Variants in TBC1D5 observed in about 807,000 individuals in gnomAD.
The protein encoded by TBC1D5 is TBC1 domain family member 5, also known as TBC1 domain family, member 5.
TBC1D5 carries 75 observed loss-of-function variants against 100.3 expected under a neutral mutation model. The observed-to-expected ratio is 0.75, with a 90% CI of 0.62 to 0.91. TBC1D5 has a LOEUF of 0.91. Among genes scored for constraint, TBC1D5 ranks in the 40% least tolerant of loss-of-function variants. The pLI is 0.00. For synonymous variants in TBC1D5, 323 were observed against 325.6 expected (o/e 0.99, Z 0.09); for missense variants, 910 against 942.4 (o/e 0.97, Z 0.45).
chr3:17,287,940 T>C (rs1161915163), intron 15 of TBC1D5, among the ~76,000 whole-genome samples: 1 of 152,122 alleles, frequency 6.6e-6, no homozygotes, highest in Non-Finnish European at 1.5e-5. Context: ...AACTAGGAAA[T>C]GGGAAAGAAT....
intron 1 of TBC1D5, among the ~76,000 whole-genome samples, chr3:17,677,758 A>G (rs2068837818): frequency 2.0e-5 from 3 of 152,344 alleles, no homozygotes; most frequent in Admixed American, 6.5e-5. Flanking sequence ...AATGTCCAAC[A>G]ATGACAGACT....
intron 1 of TBC1D5, among the ~76,000 whole-genome samples, chr3:17,643,424 T>A (rs535143596): frequency 6.6e-6 from 1 of 152,238 alleles, no homozygotes; most frequent in South Asian, 2.1e-4. Context: ...ATGAATATAC[T>A]TTTTAGACCT....
At chr3:17,175,995 G>C (rs2067681497) in intron 19 of TBC1D5, among the ~76,000 whole-genome samples, 1 of 152,226 alleles carries the variant, frequency 6.6e-6, no homozygotes. Flanking sequence ...GAGGTAGATG[G>C]GTTTTGTGGC....
intron 18 of TBC1D5, among the ~76,000 whole-genome samples, chr3:17,208,398 TAG>T (rs1251581699): frequency 6.6e-6 from 1 of 152,158 alleles, no homozygotes; most frequent in Non-Finnish European, 1.5e-5. Flanking sequence ...CACAACACAG[TAG>T]AGAGAACTAG....
chr3:17,196,655 G>A (rs758813624), intron 18 of TBC1D5, among the ~76,000 whole-genome samples: 1 of 152,206 alleles, frequency 6.6e-6, no homozygotes, highest in Non-Finnish European at 1.5e-5. Context: ...CGTTGGTGTC[G>A]TGAAATACTT....
chr3:17,364,282 CTTTT>C (rs931238181), intron 13 of TBC1D5, among the ~76,000 whole-genome samples: 4 of 152,022 alleles, frequency 2.6e-5, no homozygotes, highest in African/African-American at 9.7e-5. Flanking sequence ...ATCTTTCCTT[CTTTT>C]GTTTTTCTTT....
chr3:17,400,547 G>A (rs2093619921), intron 8 of TBC1D5, among the ~76,000 whole-genome samples: 1 of 152,072 alleles, frequency 6.6e-6, no homozygotes, highest in Non-Finnish European at 1.5e-5. Flanking sequence ...AATAAGATAT[G>A]GAACCCTCCT....
intron 13 of TBC1D5, among the ~76,000 whole-genome samples, chr3:17,355,697 C>T (rs2091151375): frequency 6.6e-6 from 1 of 151,872 alleles, no homozygotes; most frequent in Admixed American, 6.6e-5. Flanking sequence ...CATTCACATC[C>T]CATGGTAGCG....
intron 2 of TBC1D5, among the ~76,000 whole-genome samples, chr3:17,516,935 T>C (rs1157301888): frequency 6.6e-6 from 1 of 152,200 alleles, no homozygotes; most frequent in African/African-American, 2.4e-5. Context: ...ATTGTCTCTT[T>C]AGGTCTTCGC....
intron 2 of TBC1D5, among the ~76,000 whole-genome samples, chr3:17,610,985 G>A (rs1041535062): frequency 6.6e-6 from 1 of 152,106 alleles, no homozygotes; most frequent in Non-Finnish European, 1.5e-5. Context: ...ACTCCAGCCT[G>A]GGCGACAAGA....
intron 19 of TBC1D5, among the ~76,000 whole-genome samples, chr3:17,176,857 C>G (rs537989519): frequency 6.6e-6 from 1 of 151,254 alleles, no homozygotes; most frequent in South Asian, 2.1e-4. Context: ...AGAAAAGTCT[C>G]TTCCTTACTG....
At chr3:17,368,179 G>T (rs966569713) in intron 13 of TBC1D5, among the ~76,000 whole-genome samples, 2 of 151,952 alleles carry the variant, frequency 1.3e-5, no homozygotes, top group African/African-American at 4.8e-5. Context: ...ATTTCATGTG[G>T]ACTTATTCAC....
chr3:17,583,491 C>T (rs2096713110), intron 2 of TBC1D5, among the ~76,000 whole-genome samples: 2 of 152,096 alleles, frequency 1.3e-5, no homozygotes, highest in Admixed American at 1.3e-4. Context: ...TTTGGGAAGC[C>T]AAGGTGGGCA....
chr3:17,181,933 A>G (rs2068495247), intron 19 of TBC1D5, among the ~76,000 whole-genome samples: 1 of 152,168 alleles, frequency 6.6e-6, no homozygotes, highest in South Asian at 2.1e-4. Context: ...ATTATATTCA[A>G]TCCCTTACTA....
intron 2 of TBC1D5, among the ~76,000 whole-genome samples, chr3:17,560,160 G>C (rs1463932424): frequency 6.6e-6 from 1 of 151,946 alleles, no homozygotes; most frequent in Non-Finnish European, 1.5e-5. Flanking sequence ...TGCCAACTTA[G>C]AAAAAAATAT....
intron 4 of TBC1D5, 83 bp downstream of exon 4, chr3:17,428,366 AT>A (rs1324818062): frequency 6.9e-6 from 3 of 437,908 alleles, no homozygotes; most frequent in South Asian, 2.2e-4. Flanking sequence ...ATATAATTAT[AT>A]ATCTTATACA....
chr3:17,596,382 A>C (rs1168115425), intron 2 of TBC1D5, among the ~76,000 whole-genome samples: 1 of 144,614 alleles, frequency 6.9e-6, no homozygotes, highest in Non-Finnish European at 1.5e-5. Context: ...GCAGTCGCGC[A>C]ATTTGGGCTC....
intron 15 of TBC1D5, among the ~76,000 whole-genome samples, chr3:17,274,491 A>G (rs2079767414): frequency 1.3e-5 from 2 of 152,218 alleles, no homozygotes; most frequent in South Asian, 4.1e-4. Context: ...TGTAAGTGGA[A>G]TACATAATAG....
chr3:17,477,384 C>A (rs140211325), intron 3 of TBC1D5, among the ~76,000 whole-genome samples: 1 of 151,906 alleles, frequency 6.6e-6, no homozygotes, highest in Non-Finnish European at 1.5e-5. Context: ...ATACCAGTCA[C>A]GTAATATAAA....
Sources: allele counts gnomAD v4.1 joint callset (sites outside exome capture counted in the v4.1 genomes callset), GRCh38; gene constraint gnomAD v4.1.1; transcripts MANE v1.5; gene names NCBI Gene and HGNC (gene_info 2026-07-23, HGNC 2026-07-21).